ANO2: variants seen among roughly 807,000 people sequenced by gnomAD.
The protein encoded by ANO2 is anoctamin-2.
ANO2 carries 101 observed loss-of-function variants against 124.2 expected under a neutral mutation model. That is an observed-to-expected ratio of 0.81 (90% CI 0.69 to 0.96). The LOEUF is 0.96. ANO2 is among the 40% of genes least tolerant of loss of function. The pLI is 0.00. For missense variants in ANO2, 1,293 were observed against 1,274.5 expected (o/e 1.01, Z -0.22); for synonymous variants, 486 against 482.5 (o/e 1.01, Z -0.09).
chr12:5,779,087 C>T (rs3782645), intron 10 of ANO2, among the ~76,000 whole-genome samples: 22,424 of 152,156 alleles, frequency 0.15, 1,828 homozygotes, highest in African/African-American at 0.21. Context: ...ATCAAATGAC[C>T]TCTGGAGAAC....
At chr12:5,605,972 G>A (rs1289698460) in intron 19 of ANO2, among the ~76,000 whole-genome samples, 2 of 152,158 alleles carry the variant, frequency 1.3e-5, no homozygotes, top group Non-Finnish European at 2.9e-5. Flanking sequence ...TGTGTGAGTG[G>A]GGACCATTCA....
intron 20 of ANO2, among the ~76,000 whole-genome samples, chr12:5,596,520 G>A (rs1034089270): frequency 2.0e-5 from 3 of 152,260 alleles, no homozygotes; most frequent in East Asian, 3.9e-4. Flanking sequence ...TCATTTTAAG[G>A]TGTGGGGTTT....
chr12:5,740,200 G>T (rs1591551623), intron 12 of ANO2: 1 of 317,306 alleles, frequency 3.2e-6, no homozygotes, highest in East Asian at 8.4e-5. Context: ...AGAGCACTCA[G>T]ATTCCCTCCT....
intron 10 of ANO2, among the ~76,000 whole-genome samples, chr12:5,782,691 G>C (rs1396974262): frequency 6.6e-6 from 1 of 152,146 alleles, no homozygotes; most frequent in Non-Finnish European, 1.5e-5. Context: ...GGTGATTCTG[G>C]TGTGCTGCTG....
chr12:5,742,899 G>A (rs10849330), intron 12 of ANO2, among the ~76,000 whole-genome samples: 86,966 of 151,550 alleles, frequency 0.57, 25,386 homozygotes, highest in East Asian at 0.68. Flanking sequence ...AACAGTCCCA[G>A]GAGTCTATGG....
At chr12:5,882,972 C>T (rs1938606315) in intron 3 of ANO2, among the ~76,000 whole-genome samples, 1 of 152,168 alleles carries the variant, frequency 6.6e-6, no homozygotes, top group Non-Finnish European at 1.5e-5. Context: ...GCAAAGACGG[C>T]TGCTGCATGA....
At chr12:5,686,092 A>G (rs973513378) in intron 14 of ANO2, among the ~76,000 whole-genome samples, 3 of 152,198 alleles carry the variant, frequency 2.0e-5, no homozygotes, top group African/African-American at 7.2e-5. Flanking sequence ...TCCACCTAGC[A>G]AGCAGGTGGG....
chr12:5,684,674 T>G (rs1371298133), intron 14 of ANO2, among the ~76,000 whole-genome samples: 1 of 152,178 alleles, frequency 6.6e-6, no homozygotes, highest in Non-Finnish European at 1.5e-5. Context: ...TCTGAGCATA[T>G]GGGACACGGC....
At chr12:5,788,487 C>T (rs912577149) in intron 10 of ANO2, among the ~76,000 whole-genome samples, 1 of 152,244 alleles carries the variant, frequency 6.6e-6, no homozygotes, top group South Asian at 2.1e-4. Context: ...GCACCTAATA[C>T]AGTACCTGGC....
At chr12:5,825,992 A>G (rs959381108) in intron 7 of ANO2, among the ~76,000 whole-genome samples, 1 of 152,212 alleles carries the variant, frequency 6.6e-6, no homozygotes, top group Non-Finnish European at 1.5e-5. Flanking sequence ...AGAAACGAGG[A>G]CTGCCAATTG....
At chr12:5,657,977 T>C (rs1947244713) in intron 14 of ANO2, among the ~76,000 whole-genome samples, 1 of 152,088 alleles carries the variant, frequency 6.6e-6, no homozygotes, top group Non-Finnish European at 1.5e-5. Flanking sequence ...GAGAAAGAGA[T>C]AGTGAGGTTC....
In ANO2 at chr12:5,636,819, G is replaced by A. The variant is rs1273216018; in HGVS notation, c.1621-1472C>T. Among the ~76,000 whole-genome samples the A allele has an allele frequency of 2.6e-5, 4 of 152,080 alleles. No individual in the cohort carries two copies. Among genetic ancestry groups the A allele is most frequent in the Non-Finnish European group, 1.5e-5 (1 of 68,004 alleles). Reference sequence around the variant, plus strand: ...GTGGCAGATGTGTCCAGGTATGGATGTTTTCAGACCTCTGGGGGGTACCTG... The same window carrying A: ...GTGGCAGATGTGTCCAGGTATGGATATTTTCAGACCTCTGGGGGGTACCTG... On this transcript the variant is annotated intron_variant, in intron 15 of 24. Coordinates refer to ENST00000682330, the MANE Select transcript of ANO2 (RefSeq NM_001364791.2). The surrounding 1 kb of genome is among the most constrained non-coding windows in gnomAD (Gnocchi z 4.6).
chr12:5,796,822 G>C (rs1952877513), intron 10 of ANO2, among the ~76,000 whole-genome samples: 1 of 152,222 alleles, frequency 6.6e-6, no homozygotes, highest in Non-Finnish European at 1.5e-5. Context: ...CCTGCGGAAG[G>C]GGAAGGAGAG....
intron 4 of ANO2, among the ~76,000 whole-genome samples, chr12:5,848,624 G>A (rs927777722): frequency 6.6e-6 from 1 of 152,166 alleles, no homozygotes; most frequent in Non-Finnish European, 1.5e-5. Context: ...CCCAGCAACT[G>A]CACCGCAGAC....
chr12:5,574,933 T>A (rs886893656), intron 23 of ANO2, among the ~76,000 whole-genome samples: 1 of 152,254 alleles, frequency 6.6e-6, no homozygotes, highest in Non-Finnish European at 1.5e-5. Context: ...TGTAGGAGTT[T>A]CTACATTTAC....
chr12:5,794,313 G>T (rs943973076), intron 10 of ANO2, among the ~76,000 whole-genome samples: 2 of 151,946 alleles, frequency 1.3e-5, no homozygotes, highest in Non-Finnish European at 2.9e-5. Flanking sequence ...CTGCTAATTC[G>T]TGGGGCAGAG....
At chr12:5,682,500 G>A (rs897416379) in intron 14 of ANO2, among the ~76,000 whole-genome samples, 9 of 152,086 alleles carry the variant, frequency 5.9e-5, no homozygotes, top group African/African-American at 2.2e-4. Flanking sequence ...AAAGAACTGT[G>A]CTTATGGCAG....
chr12:5,673,848 T>G (rs1459832333), intron 14 of ANO2, among the ~76,000 whole-genome samples: 3 of 152,214 alleles, frequency 2.0e-5, no homozygotes, highest in Non-Finnish European at 4.4e-5. Flanking sequence ...TATGACTACC[T>G]GCTGGCAATA....
intron 1 of ANO2, among the ~76,000 whole-genome samples, chr12:5,927,913 G>T (rs551672595): frequency 3.9e-5 from 6 of 152,208 alleles, no homozygotes; most frequent in Admixed American, 3.3e-4. Context: ...TTCTGAACAG[G>T]GGGGAGGGGC....
Sources: gnomAD v4.1 joint callset for allele counts (sites outside exome capture counted in the v4.1 genomes callset) on GRCh38, gnomAD v4.1.1 for gene constraint, Gnocchi (gnomAD v3.1) non-coding constraint, MANE v1.5 for transcripts, NCBI Gene and HGNC (gene_info 2026-07-23, HGNC 2026-07-21) for gene names.